The following HSD17B12 variants were observed in gnomAD, a reference collection of about 807,000 sequenced individuals.
HSD17B12 encodes very-long-chain 3-oxoacyl-CoA reductase.
Under a neutral mutation model 39.3 loss-of-function variants are expected in HSD17B12, and 32 were observed. The ratio of observed to expected loss-of-function variants is 0.81; its 90% CI spans 0.61 to 1.09. The LOEUF is 1.09. HSD17B12 is among the 50% of genes least tolerant of loss of function. HSD17B12 has a pLI of 0.00. For missense variants in HSD17B12, 342 were observed against 382.9 expected (o/e 0.89, Z 0.89); for synonymous variants, 150 against 146.7 (o/e 1.02, Z -0.16).
In HSD17B12 at chr11:43,798,388, A is replaced by G. The variant is rs781458508; in HGVS notation, c.352A>G (p.Ile118Val). 33 of 1,612,430 alleles carry G rather than the reference A, an allele frequency of 2.0e-5. No homozygotes were observed. The highest frequency in any genetic ancestry group is 2.5e-5 in the Non-Finnish European group (30 of 1,178,922). ...TGCATCAGAAGATATTTATGATAAA[A>G]TTAAAACAGGCTTGGCTGGTCTTGA... ...DFASEDIYDK[I>V]KTGLAGLEIG... Residue 118 changes from isoleucine to valine, a missense_variant, in exon 4 of 11, where the codon ATT (isoleucine) becomes GTT (valine). By Grantham distance (29) the Ile-to-Val change is conservative (BLOSUM62 3). Transcript: ENST00000278353.
At chr11:43,801,595 GATATATATATATATAT>G (rs55674379) in intron 4 of HSD17B12, among the ~76,000 whole-genome samples, 18 of 72,794 alleles carry the variant, frequency 2.5e-4, no homozygotes, top group African/African-American at 1.4e-4. Context: ...GATAGTTGGA[GATATATATATATATAT>G]ATATATATAT....
intron 1 of HSD17B12, among the ~76,000 whole-genome samples, chr11:43,682,102 T>G (rs542504084): frequency 6.6e-6 from 1 of 152,320 alleles, no homozygotes; most frequent in South Asian, 2.1e-4. Context: ...TTAGAAACAT[T>G]TAAACAACCT....
intron 1 of HSD17B12, among the ~76,000 whole-genome samples, chr11:43,738,056 C>CA (rs759642092): frequency 0.15 from 14,176 of 94,726 alleles, 997 homozygotes; most frequent in Middle Eastern, 0.23. Context: ...GACTCTGTCC[C>CA]AAAAAAAAAA....
At chr11:43,708,548 A>G (rs1950036388) in intron 1 of HSD17B12, among the ~76,000 whole-genome samples, 1 of 152,224 alleles carries the variant, frequency 6.6e-6, no homozygotes, top group Non-Finnish European at 1.5e-5. Context: ...TTTTTGCTGA[A>G]CATATAAATT....
At chr11:43,659,877 T>C in the HSD17B12 span, among the ~76,000 whole-genome samples, 1 of 152,234 alleles carries the variant, frequency 6.6e-6, no homozygotes, top group Non-Finnish European at 1.5e-5. Flanking sequence ...CTGAGACTTA[T>C]TAGTTCGAAA....
intron 3 of HSD17B12, among the ~76,000 whole-genome samples, chr11:43,757,248 C>T (rs1287026997): frequency 6.6e-6 from 1 of 152,130 alleles, no homozygotes; most frequent in African/African-American, 2.4e-5. Context: ...TGCCTGTGTA[C>T]CAGGTACTGT....
intron 3 of HSD17B12, among the ~76,000 whole-genome samples, chr11:43,777,016 G>A (rs1175894814): frequency 3.3e-5 from 5 of 152,180 alleles, no homozygotes; most frequent in Non-Finnish European, 5.9e-5. Context: ...TAGCGTTGTA[G>A]TATAGTTTGA....
chr11:43,808,969 G>A (rs1326216103), intron 4 of HSD17B12, among the ~76,000 whole-genome samples: 1 of 152,156 alleles, frequency 6.6e-6, no homozygotes, highest in Non-Finnish European at 1.5e-5. Context: ...CTGTAAGAGT[G>A]GATCTAATTG....
the HSD17B12 span, among the ~76,000 whole-genome samples, chr11:43,669,629 A>G: frequency 6.6e-6 from 1 of 152,088 alleles, no homozygotes; most frequent in Non-Finnish European, 1.5e-5. Flanking sequence ...GCCTCTTCCT[A>G]ACTTCTGGTG....
chr11:43,670,423 A>G, the HSD17B12 span: 1 of 152,246 alleles, frequency 6.6e-6, no homozygotes, highest in African/African-American at 2.4e-5. Context: ...TAAAAGCAGT[A>G]GAACGATATA....
chr11:43,833,801 G>C (rs1455614324), intron 7 of HSD17B12: 4 of 152,060 alleles, frequency 2.6e-5, no homozygotes, highest in African/African-American at 9.7e-5. Context: ...AAACCCTCTA[G>C]AACTATAGCC....
chr11:43,816,990 A>G (rs1951130080), intron 6 of HSD17B12, among the ~76,000 whole-genome samples: 1 of 37,772 alleles, frequency 2.6e-5, no homozygotes, highest in Admixed American at 2.4e-4. Context: ...ATATATCTAT[A>G]TCTATATCTA....
chr11:43,580,381 C>CGGG, the HSD17B12 span, among the ~76,000 whole-genome samples: 1 of 8,256 alleles, frequency 1.2e-4, no homozygotes, highest in African/African-American at 5.6e-4. Context: ...GAGTTGGGGG[C>CGGG]GGGGGGGTGG....
At chr11:43,766,137 A>T (rs990981873) in intron 3 of HSD17B12, among the ~76,000 whole-genome samples, 1 of 152,154 alleles carries the variant, frequency 6.6e-6, no homozygotes. Flanking sequence ...GCCTTTTCTT[A>T]ACGTGCTCAC....
At chr11:43,747,464 A>G (rs541909631) in intron 1 of HSD17B12, among the ~76,000 whole-genome samples, 1 of 152,290 alleles carries the variant, frequency 6.6e-6, no homozygotes, top group Non-Finnish European at 1.5e-5. Context: ...TAAACTGCCC[A>G]TAAAAATAGG....
At chr11:43,736,061 T>C (rs1950313619) in intron 1 of HSD17B12, among the ~76,000 whole-genome samples, 1 of 152,190 alleles carries the variant, frequency 6.6e-6, no homozygotes, top group Non-Finnish European at 1.5e-5. Context: ...GGCATAAAGA[T>C]TGATAGCCTT....
chr11:43,758,292 G>T (rs1950528844), intron 3 of HSD17B12, among the ~76,000 whole-genome samples: 1 of 152,106 alleles, frequency 6.6e-6, no homozygotes, highest in South Asian at 2.1e-4. Context: ...GTTGTGGTGG[G>T]GTTATTAGAG....
chr11:43,790,484 C>T (rs1448735478), intron 3 of HSD17B12, among the ~76,000 whole-genome samples: 1 of 152,144 alleles, frequency 6.6e-6, no homozygotes, highest in African/African-American at 2.4e-5. Context: ...GCCACAAGAT[C>T]CCCAGTGAAT....
At chr11:43,635,448 T>C in the HSD17B12 span, among the ~76,000 whole-genome samples, 3,953 of 152,292 alleles carry the variant, frequency 0.026, 69 homozygotes, top group Middle Eastern at 0.048. Flanking sequence ...AATTATAGAA[T>C]TGAGTTTGTA....
Sources: allele counts gnomAD v4.1 joint callset (sites outside exome capture counted in the v4.1 genomes callset), GRCh38; gene constraint gnomAD v4.1.1; transcripts MANE v1.5; gene names NCBI Gene and HGNC (gene_info 2026-07-23, HGNC 2026-07-21).